Variants in USP43 observed in about 807,000 individuals in gnomAD.
USP43 encodes ubiquitin specific peptidase 43, also known as ubiquitin carboxyl-terminal hydrolase 43.
Under a neutral mutation model 90.7 loss-of-function variants are expected in USP43, and 33 were observed. The ratio of observed to expected loss-of-function variants is 0.36; its 90% CI spans 0.28 to 0.49. The LOEUF is 0.49. Ranked by LOEUF, USP43 falls within the 20% of genes least tolerant of loss-of-function variation. The pLI is 0.98. For synonymous variants in USP43, 598 were observed against 615.8 expected, an observed-to-expected ratio of 0.97 and a Z score of 0.43; for missense variants, 1,274 against 1,476.4, an observed-to-expected ratio of 0.86 and a Z score of 2.25.
intron 12 of USP43, among the ~76,000 whole-genome samples, chr17:9,704,207 C>T (rs1033770150): frequency 3.3e-5 from 5 of 152,156 alleles, no homozygotes; most frequent in Admixed American, 3.3e-4. Flanking sequence ...GTGTGCTTAC[C>T]TGTAGGTCTT....
At position 9,729,502 on chromosome 17, in the gene USP43, G is replaced by A. The variant is rs1325000863; in HGVS notation, c.*512G>A. Reference sequence around the variant, plus strand: ...AAGAATGATAGTGATGGTAAGGCAAGATTCTAGCAAAGAGAGATGGGAGAT... The same window carrying A: ...AAGAATGATAGTGATGGTAAGGCAAAATTCTAGCAAAGAGAGATGGGAGAT... On this transcript the variant is annotated 3_prime_UTR_variant, in exon 15 of 15. Transcript: ENST00000285199. 1 of 151,050 alleles carries A rather than the reference G, an allele frequency of 6.6e-6. No homozygotes were observed. Among genetic ancestry groups the A allele is most frequent in the African/African-American group, 2.4e-5 (1 of 41,158 alleles). The allele number at this position is 151,050 out of a possible 1,614,324, so 9.4% of individuals were successfully genotyped here.
rs1288911290 is a variant in USP43, at chr17:9,645,736, T to G, written c.104T>G (p.Leu35Arg). Residue 35 changes from leucine to arginine, a missense_variant, in exon 1 of 15, where the codon CTG becomes CGG. By Grantham distance (102) the Leu-to-Arg change is moderately radical. Transcript: ENST00000285199. This position sits in a 1 kb window ranked among gnomAD's most constrained non-coding sequence, Gnocchi z 6.8. ...RRLFSRFLLALGSRSRPGDSP... is the reference protein window; with the variant it reads ...RRLFSRFLLARGSRSRPGDSP... ...CTGTTCAGCCGCTTCCTGCTGGCGC[T>G]GGGCAGCCGCTCACGCCCCGGGGAC... 1 of 1,373,112 alleles carries G rather than the reference T, an allele frequency of 7.3e-7. No homozygotes were observed. The highest frequency in any genetic ancestry group is 9.4e-7 in the Non-Finnish European group (1 of 1,069,270). The allele number at this position is 1,373,112 out of a possible 1,614,324, so 85.1% of individuals were successfully genotyped here. A position where few individuals can be genotyped will look rare whatever the true frequency, so the allele number is the denominator to read the frequency against.
At chr17:9,718,220 C>T (rs73259660) in intron 14 of USP43, among the ~76,000 whole-genome samples, 9,269 of 152,130 alleles carry the variant, frequency 0.061, 464 homozygotes, top group East Asian at 0.21. Context: ...AATTAGTCTA[C>T]GGGAAAATTG....
At chr17:9,657,587 A>G (rs1027644463) in intron 2 of USP43, among the ~76,000 whole-genome samples, 7 of 152,150 alleles carry the variant, frequency 4.6e-5, no homozygotes, top group African/African-American at 1.7e-4. Flanking sequence ...ACAGTTCCAC[A>G]TGGCTGGGGA....
chr17:9,690,642 T>C (rs1914885235), intron 8 of USP43, among the ~76,000 whole-genome samples: 1 of 152,188 alleles, frequency 6.6e-6, no homozygotes, highest in African/African-American at 2.4e-5. Context: ...CCCAGCACTT[T>C]GGGAGGCCGA....
chr17:9,699,093 C>A (rs1915424491), intron 9 of USP43, among the ~76,000 whole-genome samples: 1 of 152,208 alleles, frequency 6.6e-6, no homozygotes, highest in Non-Finnish European at 1.5e-5. Flanking sequence ...CCAGGAAACG[C>A]AAGGCATGGG....
At chr17:9,694,268 C>T (rs1301891977) in intron 9 of USP43, among the ~76,000 whole-genome samples, 1 of 152,146 alleles carries the variant, frequency 6.6e-6, no homozygotes, top group Non-Finnish European at 1.5e-5. Flanking sequence ...CCAGAAGGTT[C>T]TGTGACCTAC....
At chr17:9,683,876 G>A (rs1914442621) in intron 7 of USP43, among the ~76,000 whole-genome samples, 1 of 152,094 alleles carries the variant, frequency 6.6e-6, no homozygotes, top group Non-Finnish European at 1.5e-5. Flanking sequence ...TAGAGAAAAG[G>A]AAGCCATGAA....
In USP43 at chr17:9,729,083, C is replaced by CAA. The variant is rs1917445238; in HGVS notation, c.*93_*94insAA. The CAA allele has an allele frequency of 3.8e-6, 5 of 1,317,248 alleles. No homozygotes were observed. The highest frequency in any genetic ancestry group is 5.0e-6 in the Non-Finnish European group (5 of 1,005,788). 81.6% of individuals were successfully genotyped at this position (1,317,248 alleles called of 1,614,324 possible). Reference sequence around the variant, plus strand: ...TGTTGAGAATGGGTTTCCAGGAAACCCGTTGTCTTGTAATCTCTAAAAAAA... The same window carrying CAA: ...TGTTGAGAATGGGTTTCCAGGAAACCAACGTTGTCTTGTAATCTCTAAAAAAA... On this transcript the variant is annotated 3_prime_UTR_variant, in exon 15 of 15. Coordinates refer to ENST00000285199, the MANE Select transcript of USP43 (RefSeq NM_153210.5).
At chr17:9,666,830 A>C in intron 3 of USP43, 79 bp downstream of exon 3, 1 of 1,137,904 alleles carries the variant, frequency 8.8e-7, no homozygotes. Context: ...TCCCATTGAC[A>C]GATTTACCCT....
chr17:9,712,235 G>A, intron 14 of USP43, 103 bp downstream of exon 14: 1 of 1,334,504 alleles, frequency 7.5e-7, no homozygotes, highest in African/African-American at 1.5e-5. Flanking sequence ...AATGGAAAGG[G>A]TCCATCATTA....
chr17:9,700,561 GTA>G (rs1915511562), intron 10 of USP43, among the ~76,000 whole-genome samples: 1 of 152,174 alleles, frequency 6.6e-6, no homozygotes, highest in African/African-American at 2.4e-5. Context: ...CTTCATGTGT[GTA>G]TAGGGGATTT....
At chr17:9,723,189 A>G (rs1917055835) in intron 14 of USP43, among the ~76,000 whole-genome samples, 1 of 152,098 alleles carries the variant, frequency 6.6e-6, no homozygotes, top group South Asian at 2.1e-4. Flanking sequence ...TGAGAAGCCC[A>G]GGCTTTTTTT....
At chr17:9,681,692 C>T (rs1914300856) in intron 6 of USP43, among the ~76,000 whole-genome samples, 1 of 151,040 alleles carries the variant, frequency 6.6e-6, no homozygotes, top group Non-Finnish European at 1.5e-5. Flanking sequence ...TGGGGTTTCA[C>T]CATGTTGGCC....
Position 9,645,657 on chromosome 17 carries a change from G to T in USP43, c.25G>T (p.Ala9Ser). Residue 9 changes from alanine (A) to serine (S), a missense_variant, in exon 1 of 15, where the codon GCA (alanine) becomes TCA (serine). Ala to Ser is a moderately conservative substitution (Grantham distance 99). Coordinates refer to ENST00000285199, the MANE Select transcript of USP43 (RefSeq NM_153210.5). The surrounding 1 kb of genome is among the most constrained non-coding windows in gnomAD (Gnocchi z 6.8). MDLGPGDA[A>S]GGGPLAPRPR... ...CATGGACCTGGGCCCCGGGGACGCG[G>T]CAGGAGGGGGACCGCTCGCGCCCCG... 1 of 1,246,420 alleles carries T rather than the reference G, an allele frequency of 8.0e-7. No individual in the cohort carries two copies. Among genetic ancestry groups the T allele is most frequent in the Non-Finnish European group, 1.0e-6 (1 of 998,880 alleles). The allele number at this position is 1,246,420 out of a possible 1,614,324, so 77.2% of individuals were successfully genotyped here. A position where few individuals can be genotyped will look rare whatever the true frequency, so the allele number is the denominator to read the frequency against.
chr17:9,724,241 G>C (rs1917131011), intron 14 of USP43, among the ~76,000 whole-genome samples: 1 of 152,142 alleles, frequency 6.6e-6, no homozygotes, highest in Non-Finnish European at 1.5e-5. Flanking sequence ...CTTGGAGATG[G>C]AGAAGCTTCA....
chr17:9,664,637 T>A (rs1308791934), intron 2 of USP43, among the ~76,000 whole-genome samples: 1 of 98,140 alleles, frequency 1.0e-5, no homozygotes, highest in African/African-American at 3.6e-5. Flanking sequence ...CTTGCATAGA[T>A]TTTTTTTTTT....
At chr17:9,726,108 A>G (rs1020545028) in intron 14 of USP43, among the ~76,000 whole-genome samples, 7 of 152,164 alleles carry the variant, frequency 4.6e-5, no homozygotes, top group African/African-American at 1.4e-4. Flanking sequence ...CATCCTTGAG[A>G]TGCTTTCTAA....
intron 2 of USP43, 116 bp downstream of exon 2, chr17:9,656,650 T>A: frequency 7.7e-7 from 1 of 1,298,844 alleles, no homozygotes; most frequent in Non-Finnish European, 1.0e-6. Context: ...CTATATAGTC[T>A]GGCTACTATA....
Sources: gnomAD v4.1 joint callset for allele counts (sites outside exome capture counted in the v4.1 genomes callset) on GRCh38, gnomAD v4.1.1 for gene constraint, Gnocchi (gnomAD v3.1) non-coding constraint, MANE v1.5 for transcripts, NCBI Gene and HGNC (gene_info 2026-07-23, HGNC 2026-07-21) for gene names.